Variants in DPP10 observed in about 807,000 individuals in gnomAD.
DPP10 encodes dipeptidyl peptidase like 10.
In DPP10, 33 loss-of-function variants were observed where a neutral mutation model predicts 120.9. The observed-to-expected ratio is 0.27, with a 90% confidence interval of 0.21 to 0.37. The LOEUF (loss-of-function observed/expected upper bound fraction) is 0.37. Among genes scored for constraint, DPP10 ranks in the 10% least tolerant of loss-of-function variants. The pLI, the probability that DPP10 is intolerant of heterozygous loss-of-function variation, is 1.00. For synonymous variants in DPP10, 337 were observed against 326.1 expected, an observed-to-expected ratio of 1.03 and a Z score of -0.36; for missense variants, 816 against 942.8, an observed-to-expected ratio of 0.87 and a Z score of 1.76.
chr2:115,623,640 G>C (rs1575367898), intron 5 of DPP10, among the ~76,000 whole-genome samples: 1 of 152,118 alleles, frequency 6.6e-6, no homozygotes, highest in East Asian at 1.9e-4. Context: ...AGGAAGGTGG[G>C]AGTCATCCAG....
intron 1 of DPP10, among the ~76,000 whole-genome samples, chr2:114,799,865 AT>A: frequency 6.6e-6 from 1 of 152,350 alleles, no homozygotes; most frequent in East Asian, 1.9e-4. Flanking sequence ...TCCATTTGAA[AT>A]TTAAATTGGC....
At chr2:115,133,618 GA>G (rs1410480261) in intron 1 of DPP10, among the ~76,000 whole-genome samples, 1 of 152,118 alleles carries the variant, frequency 6.6e-6, no homozygotes, top group African/African-American at 2.4e-5. Context: ...ATGCTGCTCT[GA>G]GAAGATGAGT....
intron 1 of DPP10, among the ~76,000 whole-genome samples, chr2:115,152,843 A>C (rs2051649661): frequency 6.6e-6 from 1 of 152,200 alleles, no homozygotes; most frequent in Non-Finnish European, 1.5e-5. Context: ...CTTTCGAGCT[A>C]ATGAGTTAAC....
intron 1 of DPP10, among the ~76,000 whole-genome samples, chr2:115,054,137 T>C (rs1477889288): frequency 6.6e-6 from 1 of 152,198 alleles, no homozygotes; most frequent in Non-Finnish European, 1.5e-5. Context: ...GATATTATAC[T>C]AAGACTTGAA....
At chr2:114,615,744 G>A (rs1444206564) in intron 1 of DPP10, among the ~76,000 whole-genome samples, 2 of 152,048 alleles carry the variant, frequency 1.3e-5, no homozygotes, top group Admixed American at 1.3e-4. Flanking sequence ...TTGTAGGGAG[G>A]GAAAAGGGAG....
At chr2:115,534,005 T>G (rs1408904581) in intron 5 of DPP10, among the ~76,000 whole-genome samples, 2 of 152,062 alleles carry the variant, frequency 1.3e-5, no homozygotes, top group Non-Finnish European at 2.9e-5. Flanking sequence ...ACAAGAAATA[T>G]TTTTGGAAGC....
intron 1 of DPP10, among the ~76,000 whole-genome samples, chr2:115,215,109 A>G (rs926132233): frequency 2.6e-5 from 4 of 152,204 alleles, no homozygotes; most frequent in African/African-American, 9.6e-5. Flanking sequence ...CTATATGGTA[A>G]TGACTGTTTG....
At chr2:114,895,224 A>G (rs1371388710) in intron 1 of DPP10, among the ~76,000 whole-genome samples, 1 of 152,196 alleles carries the variant, frequency 6.6e-6, no homozygotes, top group Non-Finnish European at 1.5e-5. Flanking sequence ...AAATAAAACG[A>G]CGTGTGGATA....
At chr2:114,601,237 G>A (rs893929877) in intron 1 of DPP10, among the ~76,000 whole-genome samples, 1 of 151,862 alleles carries the variant, frequency 6.6e-6, no homozygotes, top group Non-Finnish European at 1.5e-5. Context: ...ACTGGTTAGT[G>A]TATTATTTTA....
At chr2:115,002,227 C>G (rs950602494) in intron 1 of DPP10, among the ~76,000 whole-genome samples, 1 of 151,926 alleles carries the variant, frequency 6.6e-6, no homozygotes, top group Non-Finnish European at 1.5e-5. Flanking sequence ...AGATCACCTA[C>G]AACCATCAGA....
At chr2:115,827,714 G>A (rs1688521981) in intron 21 of DPP10, among the ~76,000 whole-genome samples, 1 of 151,350 alleles carries the variant, frequency 6.6e-6, no homozygotes, top group South Asian at 2.1e-4. Context: ...TCCTGCCTCA[G>A]CCTCCCCAGT....
intron 5 of DPP10, among the ~76,000 whole-genome samples, chr2:115,572,188 C>T (rs1311748718): frequency 2.7e-5 from 4 of 150,090 alleles, no homozygotes; most frequent in African/African-American, 9.9e-5. Flanking sequence ...ATGCTAAAGA[C>T]TTACCATAAC....
At chr2:115,795,553 A>G (rs115288694) in intron 19 of DPP10, among the ~76,000 whole-genome samples, 1,614 of 152,206 alleles carry the variant, frequency 0.011, 40 homozygotes, top group African/African-American at 0.037. Context: ...ACCGGAGAGC[A>G]TTATTCATTT....
At chr2:114,992,488 A>G (rs1700806217) in intron 1 of DPP10, among the ~76,000 whole-genome samples, 1 of 152,154 alleles carries the variant, frequency 6.6e-6, no homozygotes, top group Non-Finnish European at 1.5e-5. Flanking sequence ...GGTGTTTAAC[A>G]CTTAGTCTGG....
At chr2:115,042,432 A>G (rs1704725813) in intron 1 of DPP10, among the ~76,000 whole-genome samples, 1 of 152,058 alleles carries the variant, frequency 6.6e-6, no homozygotes, top group African/African-American at 2.4e-5. Context: ...ACTGCTGGCT[A>G]TTTTTTGTAT....
At chr2:114,712,877 A>G (rs1348331660) in intron 1 of DPP10, among the ~76,000 whole-genome samples, 3 of 152,144 alleles carry the variant, frequency 2.0e-5, no homozygotes, top group Non-Finnish European at 4.4e-5. Context: ...GAGTTGTATA[A>G]TATTATTTCA....
chr2:115,194,961 G>A (rs2055157557), intron 1 of DPP10, among the ~76,000 whole-genome samples: 1 of 152,122 alleles, frequency 6.6e-6, no homozygotes, highest in Non-Finnish European at 1.5e-5. Context: ...AAATCGTGGC[G>A]GTGAATTTCC....
intron 3 of DPP10, among the ~76,000 whole-genome samples, chr2:115,408,275 T>C (rs1198782597): frequency 6.6e-6 from 1 of 152,022 alleles, no homozygotes. Context: ...CTGCAAATGG[T>C]ACAGACTTCC....
chr2:115,516,979 G>C (rs186459675), intron 4 of DPP10, among the ~76,000 whole-genome samples: 43 of 152,234 alleles, frequency 2.8e-4, no homozygotes, highest in African/African-American at 9.9e-4. Flanking sequence ...GTATTGGAAA[G>C]ACTGTGGAAT....
Sources: gnomAD v4.1 joint callset for allele counts (sites outside exome capture counted in the v4.1 genomes callset) on GRCh38, gnomAD v4.1.1 for gene constraint, MANE v1.5 for transcripts, NCBI Gene and HGNC (gene_info 2026-07-23, HGNC 2026-07-21) for gene names.